The following DPYSL5 variants were observed in gnomAD, a reference collection of about 807,000 sequenced individuals.
DPYSL5 encodes dihydropyrimidinase-related protein 5.
A neutral mutation model predicts 58.4 loss-of-function variants in DPYSL5; 9 were observed. That is an observed-to-expected ratio of 0.15 (90% CI 0.09 to 0.27). The LOEUF (loss-of-function observed/expected upper bound fraction) is 0.27, where lower values mean the gene tolerates loss of function less well. Ranked by LOEUF, DPYSL5 falls within the 10% of genes least tolerant of loss-of-function variation. The pLI is 1.00. For missense variants in DPYSL5, 499 were observed against 770.6 expected, an observed-to-expected ratio of 0.65 and a Z score of 4.17; for synonymous variants, 293 against 301.9, an observed-to-expected ratio of 0.97 and a Z score of 0.31.
At chr2:26,943,078 GTGCTGGGGGCTGGAGA>G (rs1211092794) in intron 11 of DPYSL5, among the ~76,000 whole-genome samples, 2 of 151,764 alleles carry the variant, frequency 1.3e-5, no homozygotes, top group African/African-American at 4.8e-5. Flanking sequence ...GGTGGAGGAG[GTGCTGGGGGCTGGAGA>G]TGCTGCTTTG....
Position 26,944,947 on chromosome 2 carries a change from G to C in DPYSL5, c.1609+123G>C. 1.1e-6 allele frequency: 1 copy of C among 949,180 alleles called. No individual in the cohort carries two copies. Among genetic ancestry groups the C allele is most frequent in the Admixed American group, 2.5e-5 (1 of 40,452 alleles). 58.8% of individuals were successfully genotyped at this position (949,180 alleles called of 1,614,324 possible). A position where few individuals can be genotyped will look rare whatever the true frequency, so the allele number is the denominator to read the frequency against. On this transcript the variant is annotated intron_variant, in intron 12 of 12. Coordinates refer to ENST00000288699, the MANE Select transcript of DPYSL5 (RefSeq NM_020134.4). This position sits in a 1 kb window ranked among gnomAD's most constrained non-coding sequence, Gnocchi z 4.4. ...CTCCCTCCCGTTGCCTATTTCCAGG[G>C]ATGAGTGCTGGTTTGGATATTAGAC...
At chr2:26,864,809 C>A (rs887866514) in intron 1 of DPYSL5, among the ~76,000 whole-genome samples, 1 of 152,104 alleles carries the variant, frequency 6.6e-6, no homozygotes, top group Non-Finnish European at 1.5e-5. Flanking sequence ...GGACAGACGC[C>A]CAAGGTGGCC....
intron 8 of DPYSL5, among the ~76,000 whole-genome samples, chr2:26,936,522 A>G (rs1320847923): frequency 1.3e-5 from 2 of 152,210 alleles, no homozygotes; most frequent in Non-Finnish European, 2.9e-5. Flanking sequence ...GGGGATGGTC[A>G]TTGTATTCTG....
intron 2 of DPYSL5, among the ~76,000 whole-genome samples, chr2:26,912,620 G>T (rs976459462): frequency 6.6e-5 from 10 of 152,210 alleles, no homozygotes; most frequent in African/African-American, 2.2e-4. Flanking sequence ...ATGCCACACA[G>T]CTCCTCTGAG....
intron 2 of DPYSL5, among the ~76,000 whole-genome samples, chr2:26,901,538 G>A (rs936477456): frequency 2.6e-5 from 4 of 152,050 alleles, no homozygotes; most frequent in South Asian, 2.1e-4. Context: ...TATTCACACC[G>A]CCTGTGGCAC....
At chr2:26,856,347 G>A (rs749240718) in intron 1 of DPYSL5, among the ~76,000 whole-genome samples, 1 of 152,196 alleles carries the variant, frequency 6.6e-6, no homozygotes, top group Non-Finnish European at 1.5e-5. Flanking sequence ...CTTATACACA[G>A]ATCAATCAGC....
chr2:26,888,209 T>TTC (rs1663769172), intron 1 of DPYSL5, among the ~76,000 whole-genome samples: 1 of 105,040 alleles, frequency 9.5e-6, no homozygotes, highest in Admixed American at 1.0e-4. Flanking sequence ...CTTCCCTTTC[T>TTC]TTTCTTTCTT....
At chr2:26,864,580 T>G (rs2148112402) in intron 1 of DPYSL5, among the ~76,000 whole-genome samples, 1 of 149,616 alleles carries the variant, frequency 6.7e-6, no homozygotes, top group Admixed American at 6.6e-5. Flanking sequence ...GGGTGTAGAT[T>G]GTGCAACTGT....
At chr2:26,872,208 T>A (rs1281299658) in intron 1 of DPYSL5, among the ~76,000 whole-genome samples, 2 of 152,184 alleles carry the variant, frequency 1.3e-5, no homozygotes, top group Non-Finnish European at 2.9e-5. Context: ...CTGGCTCAGA[T>A]GATGGCTGGA....
intron 2 of DPYSL5, among the ~76,000 whole-genome samples, chr2:26,921,700 C>A (rs565866835): frequency 6.6e-6 from 1 of 152,180 alleles, no homozygotes; most frequent in African/African-American, 2.4e-5. Context: ...TGCGAGCCTG[C>A]AGCTGGGGGA....
chr2:26,868,535 T>G (rs1242768129), intron 1 of DPYSL5, among the ~76,000 whole-genome samples: 1 of 152,242 alleles, frequency 6.6e-6, no homozygotes, highest in Admixed American at 6.5e-5. Flanking sequence ...AGGGAGCCAA[T>G]TTAATTTTCT....
chr2:26,873,723 A>G (rs1386462448), intron 1 of DPYSL5, among the ~76,000 whole-genome samples: 1 of 152,212 alleles, frequency 6.6e-6, no homozygotes, highest in Non-Finnish European at 1.5e-5. Context: ...AAATCAAAAG[A>G]AAAAGAATAT....
chr2:26,934,468 C>A lies in DPYSL5; in HGVS notation c.791-110C>A. The A allele has an allele frequency of 7.4e-7, 1 of 1,349,506 alleles. No homozygotes were observed. The highest frequency in any genetic ancestry group is 1.4e-5 in the African/African-American group (1 of 68,986). 83.6% of individuals were successfully genotyped at this position (1,349,506 alleles called of 1,614,324 possible). A position where few individuals can be genotyped will look rare whatever the true frequency, so the allele number is the denominator to read the frequency against. On this transcript the variant is annotated intron_variant, in intron 7 of 12. Transcript: ENST00000288699. The surrounding 1 kb of genome is among the most constrained non-coding windows in gnomAD (Gnocchi z 4.3). ...AAAGCCCTGTGAGCTTGGGCAGGTC[C>A]CTTCCTGTCTCTGACCTCAGCTCCT...
At chr2:26,889,189 AATT>A (rs1663806636) in intron 1 of DPYSL5, among the ~76,000 whole-genome samples, 1 of 152,140 alleles carries the variant, frequency 6.6e-6, no homozygotes, top group Non-Finnish European at 1.5e-5. Context: ...TCTGCTACAC[AATT>A]ATTGTGTTTT....
rs768079923 is a variant in DPYSL5, at chr2:26,942,133, G to A, written c.1232+41G>A. On this transcript the variant is annotated intron_variant, in intron 10 of 12. Transcript: ENST00000288699. The surrounding 1 kb of genome is among the most constrained non-coding windows in gnomAD (Gnocchi z 5.9). Reference sequence around the variant, plus strand: ...CGTCCCCAGGGCTAGAGGGGCTTGGGATTTTGAAGAAGACTTGCATTACAG... The same window carrying A: ...CGTCCCCAGGGCTAGAGGGGCTTGGAATTTTGAAGAAGACTTGCATTACAG... 12 of 1,607,686 alleles carry A rather than the reference G, an allele frequency of 7.5e-6. No homozygotes were observed. In the East Asian group the frequency reaches 2.7e-4, roughly 36 times the overall value.
In DPYSL5 at chr2:26,898,730, G is replaced by T; in HGVS notation, c.231G>T (p.Thr77=). ...TCCACCAGACCTTCATGAATGCCAC[G>T]TGCGTGGACGACTTCTACCATGGGA... ...THFHQTFMNA[T]CVDDFYHGTK... Residue 77 remains threonine (T), a synonymous_variant, in exon 2 of 13, where the codon ACG becomes ACT. Transcript: ENST00000288699. The surrounding 1 kb of genome is among the most constrained non-coding windows in gnomAD (Gnocchi z 6.1). 2 of 1,612,262 alleles carry T rather than the reference G, an allele frequency of 1.2e-6. No homozygotes were observed. The highest frequency in any genetic ancestry group is 1.7e-6 in the Non-Finnish European group (2 of 1,178,510).
At chr2:26,926,059 A>T (rs1664822508) in intron 3 of DPYSL5, among the ~76,000 whole-genome samples, 1 of 152,250 alleles carries the variant, frequency 6.6e-6, no homozygotes, top group Non-Finnish European at 1.5e-5. Flanking sequence ...AATCATAAAA[A>T]GAAAAAAGAA....
At chr2:26,858,735 A>AT (rs761364725) in intron 1 of DPYSL5, among the ~76,000 whole-genome samples, 200 of 104,698 alleles carry the variant, frequency 1.9e-3, no homozygotes, top group East Asian at 7.7e-3. Flanking sequence ...ACACCCAGCT[A>AT]TTTTTTTTTT....
At chr2:26,875,371 T>C (rs962422784) in intron 1 of DPYSL5, among the ~76,000 whole-genome samples, 2 of 152,004 alleles carry the variant, frequency 1.3e-5, no homozygotes, top group African/African-American at 4.8e-5. Context: ...GCACAGGTAG[T>C]GTGGGGAAGC....
Sources: allele counts gnomAD v4.1 joint callset (sites outside exome capture counted in the v4.1 genomes callset), GRCh38; gene constraint gnomAD v4.1.1; non-coding constraint Gnocchi (gnomAD v3.1); transcripts MANE v1.5; gene names NCBI Gene and HGNC (gene_info 2026-07-23, HGNC 2026-07-21).